The following WHAMM variants were observed in gnomAD, a reference collection of about 807,000 sequenced individuals.
WHAMM encodes the protein WASP homolog-associated protein with actin, membranes and microtubules.
WHAMM carries 67 observed loss-of-function variants against 76.5 expected under a neutral mutation model. The ratio of observed to expected loss-of-function variants is 0.88; its 90% confidence interval spans 0.72 to 1.07. The LOEUF (loss-of-function observed/expected upper bound fraction) is 1.07. Ranked by LOEUF, WHAMM falls within the 50% of genes least tolerant of loss-of-function variation. The pLI is 0.00. For missense variants in WHAMM, 1,021 were observed against 1,051.1 expected, an observed-to-expected ratio of 0.97 and a Z score of 0.40; for synonymous variants, 419 against 422.1, an observed-to-expected ratio of 0.99 and a Z score of 0.09.
At position 82,826,363 on chromosome 15, in the gene WHAMM, C is replaced by T. The variant is rs1368256305; in HGVS notation, c.1459-47C>T. 3 of 1,588,094 alleles carry T rather than the reference C, an allele frequency of 1.9e-6. 1 individual carries two copies. In the South Asian group the frequency reaches 3.3e-5, roughly 18 times the overall value. ...TTTCTTTTAATCTTTTATGCTATAC[C>T]AGGGTAATATTAAAAACCATGTAGG... On this transcript the variant is annotated intron_variant, in intron 6 of 9. Transcript: ENST00000286760.
chr15:82,831,560 A>T (rs1330248987), intron 9 of WHAMM, among the ~76,000 whole-genome samples: 2 of 152,216 alleles, frequency 1.3e-5, no homozygotes, highest in African/African-American at 4.8e-5. Context: ...GTTCTTGCAG[A>T]CTGACTAGCA....
rs11259954 is a variant in WHAMM, at chr15:82,833,314, C to G, written c.2208C>G (p.His736Gln). The change falls in exon 10 of 10, where the codon CAC (histidine) becomes CAG (glutamine). Residue 736 changes from histidine (H) to glutamine (Q), a missense_variant. Coordinates refer to ENST00000286760, the MANE Select transcript of WHAMM (RefSeq NM_001080435.3). ...KVEVPAVRPP[H>Q]ASINEHILAA... The stretch of plus-strand genomic sequence containing the variant: ...AAGTGCCGGCGGTGCGCCCTCCCCA[C>G]GCCTCAATCAATGAGCACATTCTGG... The G allele has an allele frequency of 0.11, 176,053 of 1,613,678 alleles. 10,317 individuals carry two copies. The highest frequency in any genetic ancestry group is 0.2 in the East Asian group (8,897 of 44,854).
chr15:82,831,126 G>T (rs775056150), intron 9 of WHAMM, 47 bp downstream of exon 9: 29 of 1,572,076 alleles, frequency 1.8e-5, no homozygotes, highest in Non-Finnish European at 2.3e-5. Context: ...TTGTTAAGCT[G>T]TTGAAGCATT....
chr15:82,810,290 G>A lies in WHAMM; in HGVS notation c.564G>A (p.Arg188=). 1.5e-6 allele frequency: 2 copies of A among 1,348,094 alleles called. No individual in the cohort carries two copies. Among genetic ancestry groups the A allele is most frequent in the South Asian group, 1.9e-5 (1 of 53,844 alleles). 83.5% of individuals were successfully genotyped at this position (1,348,094 alleles called of 1,614,324 possible). The change falls in exon 1 of 10, where the codon CGG becomes CGA. Residue 188 remains arginine, a synonymous_variant. Transcript: ENST00000286760. ...DCESPREFRE[R]ALRARWVEAD... is the part of the protein sequence containing the mutation. ...AAAGCCCGCGCGAGTTCCGGGAGCGGGCCTTGCGCGCGCGGTGGGTCGAGG... is the reference window on the plus strand; with the variant it reads ...AAAGCCCGCGCGAGTTCCGGGAGCGAGCCTTGCGCGCGCGGTGGGTCGAGG...
intron 9 of WHAMM, among the ~76,000 whole-genome samples, chr15:82,832,338 T>C (rs532416007): frequency 2.0e-5 from 3 of 152,374 alleles, no homozygotes; most frequent in Non-Finnish European, 4.4e-5. Flanking sequence ...AATAGCCTTT[T>C]GTTAGCCACA....
chr15:82,827,167 CTT>C (rs1342856239), intron 8 of WHAMM, among the ~76,000 whole-genome samples: 2 of 152,132 alleles, frequency 1.3e-5, no homozygotes, highest in African/African-American at 4.8e-5. Context: ...ACTCCCTTGA[CTT>C]TAGCTGGCAT....
Position 82,826,447 on chromosome 15 carries a change from A to G in WHAMM, c.1496A>G (p.Gln499Arg). The G allele has an allele frequency of 6.2e-7, 1 of 1,614,068 alleles. No individual in the cohort carries two copies. The highest frequency in any genetic ancestry group is 8.5e-7 in the Non-Finnish European group (1 of 1,179,906). ...GAAAATCATCGGTTCAGATTGCAAC[A>G]GGCTGAAGAAAGCATAAGATACTCT... is the stretch of plus-strand genomic sequence containing the variant. ...CKENHRFRLQ[Q>R]AEESIRYSRQ... Residue 499 changes from glutamine (Q) to arginine (R), a missense_variant, in exon 7 of 10, where the codon CAG (glutamine) becomes CGG (arginine). Around this residue, in one of 3 missense-constraint regions of WHAMM, gnomAD observed 509 missense variants for 492.3 expected, o/e 1.03. Transcript: ENST00000286760.
Position 82,834,710 on chromosome 15 carries a change from AAACTCAT to A in WHAMM, c.*1177_*1183del. 6.5e-6 allele frequency: 1 copy of A among 152,752 alleles called. No individual in the cohort carries two copies. Among genetic ancestry groups the A allele is most frequent in the South Asian group, 2.1e-4 (1 of 4,828 alleles). The allele number at this position is 152,752 out of a possible 1,614,324, so 9.5% of individuals were successfully genotyped here. A position where few individuals can be genotyped will look rare whatever the true frequency, so the allele number is the denominator to read the frequency against. Reference sequence around the variant, plus strand: ...TTATTTTAGGCACCAAGCACTACATAAACTCATAATAACTATTTGCAATGCATTAGCA... The same window carrying A: ...TTATTTTAGGCACCAAGCACTACATAAATAACTATTTGCAATGCATTAGCA... On this transcript the variant is annotated 3_prime_UTR_variant, in exon 10 of 10. Coordinates refer to ENST00000286760, the MANE Select transcript of WHAMM (RefSeq NM_001080435.3).
chr15:82,820,472 A>ATATTT (rs1450610926), intron 5 of WHAMM, among the ~76,000 whole-genome samples: 2 of 152,224 alleles, frequency 1.3e-5, no homozygotes, highest in Non-Finnish European at 2.9e-5. Flanking sequence ...AGGGCAATGT[A>ATATTT]TATTTTACAT....
chr15:82,819,760 G>A (rs570156204), intron 5 of WHAMM, among the ~76,000 whole-genome samples: 2 of 152,364 alleles, frequency 1.3e-5, no homozygotes, highest in South Asian at 4.1e-4. Flanking sequence ...GTGGGAGGCC[G>A]AGGCGGGCAG....
intron 5 of WHAMM, among the ~76,000 whole-genome samples, chr15:82,821,169 C>T (rs1481232887): frequency 1.3e-5 from 2 of 152,070 alleles, no homozygotes; most frequent in African/African-American, 4.8e-5. Flanking sequence ...AAAATAATAT[C>T]CTCTATTGTC....
At position 82,816,797 on chromosome 15, in the gene WHAMM, G is replaced by A; in HGVS notation, c.889G>A (p.Asp297Asn). 1 of 1,564,630 alleles carries A rather than the reference G, an allele frequency of 6.4e-7. No individual in the cohort carries two copies. The highest frequency in any genetic ancestry group is 8.7e-7 in the Non-Finnish European group (1 of 1,153,282). Residue 297 changes from aspartate to asparagine, a missense_variant, in exon 3 of 10, where the codon GAT becomes AAT. Asp to Asn is a conservative substitution (Grantham distance 23, BLOSUM62 1). Transcript: ENST00000286760. ...RAEEAVVSIQ[D>N]ITVNYFKETV... ...TGAAGAAGCTGTCGTCTCTATTCAG[G>A]ATATCACAGTGAATTATTTTAAGGA...
At chr15:82,811,980 T>C (rs2050636561) in intron 1 of WHAMM, among the ~76,000 whole-genome samples, 2 of 152,224 alleles carry the variant, frequency 1.3e-5, no homozygotes, top group East Asian at 1.9e-4. Context: ...ATCTATATTA[T>C]TTGATTTTAT....
intron 5 of WHAMM, among the ~76,000 whole-genome samples, chr15:82,819,839 C>T (rs1343281940): frequency 1.3e-5 from 2 of 151,994 alleles, no homozygotes; most frequent in African/African-American, 4.8e-5. Flanking sequence ...ACTAAAAATA[C>T]AAAAATACTA....
intron 6 of WHAMM, among the ~76,000 whole-genome samples, chr15:82,823,522 C>G (rs1157527128): frequency 6.6e-6 from 1 of 151,942 alleles, no homozygotes; most frequent in Admixed American, 6.6e-5. Context: ...ATTCATTCAA[C>G]AACTATTTGT....
chr15:82,826,615 G>C, intron 7 of WHAMM, 119 bp downstream of exon 7: 1 of 1,583,622 alleles, frequency 6.3e-7, no homozygotes, highest in African/African-American at 1.3e-5. Context: ...TAGCCTCCAG[G>C]TCTGCAGCCT....
At chr15:82,823,469 C>G (rs1255693067) in intron 6 of WHAMM, among the ~76,000 whole-genome samples, 182 bp downstream of exon 6, 1 of 151,964 alleles carries the variant, frequency 6.6e-6, no homozygotes, top group East Asian at 1.9e-4. Flanking sequence ...TATTTTTTTT[C>G]TTTTGGGATT....
Position 82,823,219 on chromosome 15 carries a change from C to T in WHAMM, c.1390C>T (p.Gln464Ter). 6.3e-7 allele frequency: 1 copy of T among 1,587,794 alleles called. No homozygotes were observed. Among genetic ancestry groups the T allele is most frequent in the Non-Finnish European group, 8.6e-7 (1 of 1,164,354 alleles). The part of the protein sequence containing the change: ...KNLEVKELRR[Q>*]CQQLESKRGR... The stretch of plus-strand genomic sequence containing the variant: ...TTTGGAAGTGAAAGAACTCAGAAGG[C>T]AGTGCCAGCAGCTGGAGTCTAAACG... The change falls in exon 6 of 10, where the codon CAG (glutamine) becomes TAG (stop). Residue 464 changes from glutamine (Q) to a stop codon, truncating the protein, a stop_gained. Coordinates refer to ENST00000286760, the MANE Select transcript of WHAMM (RefSeq NM_001080435.3). LOFTEE classifies it high-confidence loss of function.
At chr15:82,828,476 CAG>C (rs1372429810) in intron 8 of WHAMM, among the ~76,000 whole-genome samples, 2 of 152,146 alleles carry the variant, frequency 1.3e-5, no homozygotes, top group Admixed American at 6.5e-5. Context: ...CAGATGAACA[CAG>C]AGCCAGTGAG....
Sources: allele counts gnomAD v4.1 joint callset (sites outside exome capture counted in the v4.1 genomes callset), GRCh38; gene constraint gnomAD v4.1.1; regional missense constraint gnomAD v4.1.1; transcripts MANE v1.5; gene names NCBI Gene and HGNC (gene_info 2026-07-23, HGNC 2026-07-21).